The following GULP1 variants were observed in gnomAD, a reference collection of about 807,000 sequenced individuals.
GULP1 encodes the protein PTB domain-containing engulfment adapter protein 1.
In GULP1, 19 loss-of-function variants were observed where a neutral mutation model predicts 40.9. The ratio of observed to expected loss-of-function variants is 0.46; its 90% CI spans 0.32 to 0.68. The LOEUF (loss-of-function observed/expected upper bound fraction) is 0.68. Ranked by LOEUF, GULP1 falls within the 30% of genes least tolerant of loss-of-function variation. The pLI is 0.03. For synonymous variants in GULP1, 119 were observed against 117.6 expected, an observed-to-expected ratio of 1.01 and a Z score of -0.08; for missense variants, 312 against 362.2, an observed-to-expected ratio of 0.86 and a Z score of 1.12.
intron 1 of GULP1, among the ~76,000 whole-genome samples, chr2:188,362,570 G>A (rs748142642): frequency 2.0e-5 from 3 of 152,090 alleles, no homozygotes; most frequent in Non-Finnish European, 2.9e-5. Flanking sequence ...CCTGCAGGAC[G>A]TACAGGTAAA....
At chr2:188,589,780 A>T in intron 11 of GULP1, 1 of 1,222,936 alleles carries the variant, frequency 8.2e-7, no homozygotes, top group Non-Finnish European at 1.1e-6. Context: ...AATAATTTTA[A>T]ACAACTTACA....
At chr2:188,483,712 G>A (rs547326729) in intron 4 of GULP1, among the ~76,000 whole-genome samples, 5 of 152,032 alleles carry the variant, frequency 3.3e-5, no homozygotes, top group South Asian at 2.1e-4. Flanking sequence ...TTAGTCAAAC[G>A]TGTTTTCTTC....
chr2:188,390,922 GTTAT>G (rs771847828), intron 2 of GULP1, among the ~76,000 whole-genome samples: 15 of 151,952 alleles, frequency 9.9e-5, no homozygotes, highest in Non-Finnish European at 1.6e-4. Context: ...AGATCAGTTG[GTTAT>G]AAGTATTTGA....
intron 1 of GULP1, among the ~76,000 whole-genome samples, chr2:188,341,972 C>G (rs1313077052): frequency 6.6e-6 from 1 of 152,066 alleles, no homozygotes; most frequent in East Asian, 1.9e-4. Context: ...GTTTTCTTAC[C>G]TCTTTCTATA....
chr2:188,487,484 G>T (rs2061962316), intron 4 of GULP1, among the ~76,000 whole-genome samples: 1 of 151,896 alleles, frequency 6.6e-6, no homozygotes, highest in South Asian at 2.1e-4. Context: ...TAGTAACACG[G>T]ACCTTCACCT....
chr2:188,346,602 C>G (rs1196373334), intron 1 of GULP1, among the ~76,000 whole-genome samples: 1 of 151,628 alleles, frequency 6.6e-6, no homozygotes, highest in Non-Finnish European at 1.5e-5. Context: ...ACGCCATTCT[C>G]CTGCCTCAGC....
intron 10 of GULP1, 32 bp downstream of exon 10, chr2:188,584,435 T>A: frequency 7.3e-6 from 10 of 1,370,844 alleles, no homozygotes; most frequent in Non-Finnish European, 1.0e-5. Flanking sequence ...AAGTTTCTTG[T>A]TATAGTTGCA....
At chr2:188,320,780 A>C (rs2039856710) in intron 1 of GULP1, among the ~76,000 whole-genome samples, 1 of 151,996 alleles carries the variant, frequency 6.6e-6, no homozygotes, top group Non-Finnish European at 1.5e-5. Flanking sequence ...ATAAACTAAA[A>C]TTTTAAGATT....
chr2:188,319,206 C>T (rs1346919540), intron 1 of GULP1, among the ~76,000 whole-genome samples: 2 of 152,068 alleles, frequency 1.3e-5, no homozygotes, highest in Non-Finnish European at 2.9e-5. Context: ...TTTGGGAAAG[C>T]TTATTCTTTG....
intron 4 of GULP1, among the ~76,000 whole-genome samples, chr2:188,500,201 TAGATTTGG>T (rs1048300067): frequency 1.3e-5 from 2 of 151,922 alleles, no homozygotes; most frequent in African/African-American, 4.8e-5. Flanking sequence ...TCCACTCATT[TAGATTTGG>T]TAGGTCTAGA....
chr2:188,574,045 C>T (rs557914440), intron 9 of GULP1, among the ~76,000 whole-genome samples: 5 of 152,040 alleles, frequency 3.3e-5, no homozygotes, highest in Non-Finnish European at 7.4e-5. Context: ...TACTTATAAG[C>T]ACAATAATGT....
At chr2:188,402,885 T>G (rs1019357435) in intron 2 of GULP1, among the ~76,000 whole-genome samples, 3 of 152,142 alleles carry the variant, frequency 2.0e-5, no homozygotes, top group Admixed American at 6.6e-5. Flanking sequence ...ATTAACACAT[T>G]TAATCTTCAT....
At chr2:188,532,459 T>C (rs1687799277) in intron 6 of GULP1, among the ~76,000 whole-genome samples, 1 of 152,060 alleles carries the variant, frequency 6.6e-6, no homozygotes, top group Non-Finnish European at 1.5e-5. Flanking sequence ...TTATAGGGTA[T>C]GTGTGTGTGT....
At chr2:188,388,815 A>G (rs1328881659) in intron 2 of GULP1, among the ~76,000 whole-genome samples, 1 of 152,212 alleles carries the variant, frequency 6.6e-6, no homozygotes, top group Non-Finnish European at 1.5e-5. Context: ...AGAATACACC[A>G]TGAAAGCACA....
chr2:188,310,300 A>G (rs1417698180), intron 1 of GULP1, among the ~76,000 whole-genome samples: 1 of 152,238 alleles, frequency 6.6e-6, no homozygotes, highest in East Asian at 1.9e-4. Context: ...ATAAAGTAAT[A>G]TAAGTAAATT....
intron 1 of GULP1, among the ~76,000 whole-genome samples, chr2:188,310,003 A>T: frequency 6.6e-6 from 1 of 152,206 alleles, no homozygotes; most frequent in East Asian, 1.9e-4. Context: ...TCTGCTTCAT[A>T]AAGTTTGTTT....
At chr2:188,573,696 G>A (rs1196706639) in intron 9 of GULP1, among the ~76,000 whole-genome samples, 1 of 152,096 alleles carries the variant, frequency 6.6e-6, no homozygotes, top group Non-Finnish European at 1.5e-5. Flanking sequence ...GCTCCAAAAT[G>A]AGTAAGTTCT....
At chr2:188,491,703 G>A (rs1237825740) in intron 4 of GULP1, 1 of 152,060 alleles carries the variant, frequency 6.6e-6, no homozygotes, top group Admixed American at 6.6e-5. Flanking sequence ...CTCTTCAGAA[G>A]ACAAACTAAG....
At chr2:188,486,718 G>A (rs1272787127) in intron 4 of GULP1, among the ~76,000 whole-genome samples, 5 of 151,856 alleles carry the variant, frequency 3.3e-5, no homozygotes, top group African/African-American at 1.2e-4. Flanking sequence ...TTTAAAATAA[G>A]CATTGTTCTA....
Sources: gnomAD v4.1 joint callset for allele counts (sites outside exome capture counted in the v4.1 genomes callset) on GRCh38, gnomAD v4.1.1 for gene constraint, MANE v1.5 for transcripts, NCBI Gene and HGNC (gene_info 2026-07-23, HGNC 2026-07-21) for gene names.